The following ELOVL6 variants were observed in gnomAD, a reference collection of about 807,000 sequenced individuals.
ELOVL6 encodes the protein very long chain fatty acid elongase 6.
ELOVL6 carries 8 observed loss-of-function variants against 31.7 expected under a neutral mutation model. The observed-to-expected ratio is 0.25, with a 90% CI of 0.15 to 0.45. The LOEUF is 0.45. Among genes scored for constraint, ELOVL6 ranks in the 20% least tolerant of loss-of-function variants. The pLI is 1.00. For synonymous variants in ELOVL6, 101 were observed against 117.7 expected, an observed-to-expected ratio of 0.86 and a Z score of 0.92; for missense variants, 126 against 326.4, an observed-to-expected ratio of 0.39 and a Z score of 4.73.
intron 1 of ELOVL6, among the ~76,000 whole-genome samples, chr4:110,116,568 A>C (rs1757173492): frequency 6.6e-6 from 1 of 152,196 alleles, no homozygotes; most frequent in Non-Finnish European, 1.5e-5. Flanking sequence ...ATAATATACA[A>C]TTTACTAAAA....
At chr4:110,178,344 G>C (rs1044508057) in intron 1 of ELOVL6, among the ~76,000 whole-genome samples, 1 of 152,036 alleles carries the variant, frequency 6.6e-6, no homozygotes, top group Non-Finnish European at 1.5e-5. Flanking sequence ...TCAGGAGTTC[G>C]AGACCAGCCT....
Position 110,050,076 on chromosome 4 carries a change from C to T in ELOVL6, c.*1262G>A, listed in dbSNP as rs1754797953. On this transcript the variant is annotated 3_prime_UTR_variant, in exon 4 of 4. Coordinates refer to ENST00000302274, the MANE Select transcript of ELOVL6 (RefSeq NM_024090.3). ...GTGTATGGGGGCCCTTTGTTGTCAA[C>T]TGTTTTCAGCCAAACTTGCCTTGAA... The T allele has an allele frequency of 6.6e-6, 1 of 152,468 alleles. No individual in the cohort carries two copies. The highest frequency in any genetic ancestry group is 1.5e-5 in the Non-Finnish European group (1 of 68,024). 9.4% of individuals were successfully genotyped at this position (152,468 alleles called of 1,614,324 possible).
chr4:110,154,905 A>G (rs760359733), intron 1 of ELOVL6, among the ~76,000 whole-genome samples: 2 of 152,234 alleles, frequency 1.3e-5, no homozygotes, highest in African/African-American at 2.4e-5. Flanking sequence ...GGGACTTTCC[A>G]CAAAGAGAGA....
At chr4:110,064,797 A>C (rs1560803183) in intron 2 of ELOVL6, among the ~76,000 whole-genome samples, 1 of 152,134 alleles carries the variant, frequency 6.6e-6, no homozygotes, top group East Asian at 1.9e-4. Flanking sequence ...CTCGATTGAT[A>C]ATGTTTAAAA....
Position 110,049,226 on chromosome 4 carries a change from G to A in ELOVL6, c.*2112C>T, listed in dbSNP as rs1754774002. ...TTTATAATACATTCCTCCATCAGTT[G>A]TGTCTCACCTATGAACCAACATCAA... On this transcript the variant is annotated 3_prime_UTR_variant, in exon 4 of 4. Coordinates refer to ENST00000302274, the MANE Select transcript of ELOVL6 (RefSeq NM_024090.3). The A allele has an allele frequency of 6.6e-6, 1 of 152,194 alleles. No individual in the cohort carries two copies. Among genetic ancestry groups the A allele is most frequent in the Non-Finnish European group, 1.5e-5 (1 of 68,048 alleles). 9.4% of individuals were successfully genotyped at this position (152,194 alleles called of 1,614,324 possible).
intron 2 of ELOVL6, among the ~76,000 whole-genome samples, chr4:110,068,997 C>G (rs1755385566): frequency 6.6e-6 from 1 of 152,008 alleles, no homozygotes; most frequent in Admixed American, 6.6e-5. Context: ...CAAAAATTAG[C>G]TGGGCGTGGT....
chr4:110,148,499 G>T lies in ELOVL6; in HGVS notation c.90-42871C>A, dbSNP rs192639345. Among the ~76,000 whole-genome samples, 97 of 150,490 alleles carry T rather than the reference G, an allele frequency of 6.4e-4. 2 individuals are homozygous for T. The highest frequency in any genetic ancestry group is 1.8e-4 in the Non-Finnish European group (12 of 67,812). On this transcript the variant is annotated intron_variant, in intron 1 of 3. Coordinates refer to ENST00000302274, the MANE Select transcript of ELOVL6 (RefSeq NM_024090.3). The stretch of plus-strand genomic sequence containing the variant: ...GCCCAGAAGGGGGTTGTGCGGGGGA[G>T]GGGGGGAGGTAGGAATGGTTAATGG...
intron 2 of ELOVL6, among the ~76,000 whole-genome samples, chr4:110,099,336 A>C (rs900415071): frequency 7.9e-5 from 12 of 152,182 alleles, no homozygotes; most frequent in African/African-American, 2.4e-4. Context: ...AAAAGAGAAT[A>C]ATTTTCTACT....
At chr4:110,175,534 T>C (rs369258776) in intron 1 of ELOVL6, among the ~76,000 whole-genome samples, 1 of 152,140 alleles carries the variant, frequency 6.6e-6, no homozygotes, top group African/African-American at 2.4e-5. Context: ...GATAACAACA[T>C]AACTAAAACA....
intron 2 of ELOVL6, among the ~76,000 whole-genome samples, chr4:110,075,463 AAG>A (rs1461870762): frequency 6.6e-6 from 1 of 152,216 alleles, no homozygotes; most frequent in African/African-American, 2.4e-5. Flanking sequence ...ATATACTACA[AAG>A]TGGAAGAACC....
At chr4:110,072,144 G>T (rs1054582314) in intron 2 of ELOVL6, among the ~76,000 whole-genome samples, 1 of 152,198 alleles carries the variant, frequency 6.6e-6, no homozygotes. Flanking sequence ...TCAGAACATT[G>T]AGTCTGCCAG....
intron 2 of ELOVL6, among the ~76,000 whole-genome samples, chr4:110,094,445 T>TATTATATATA (rs1756519629): frequency 2.1e-5 from 1 of 47,408 alleles, no homozygotes; most frequent in East Asian, 7.5e-4. Flanking sequence ...ATATATATAA[T>TATTATATATA]ATATATAACA....
At chr4:110,147,040 T>G (rs897021744) in intron 1 of ELOVL6, 10 of 152,308 alleles carry the variant, frequency 6.6e-5, no homozygotes, top group African/African-American at 2.4e-4. Flanking sequence ...TGGGTGTAGA[T>G]TCTCTGGTCA....
intron 2 of ELOVL6, among the ~76,000 whole-genome samples, chr4:110,081,939 G>A (rs1205654815): frequency 6.6e-6 from 1 of 151,210 alleles, no homozygotes; most frequent in Non-Finnish European, 1.5e-5. Flanking sequence ...TGAAGGATAT[G>A]AACAGACACT....
At chr4:110,186,825 ATAT>A (rs1759461076) in intron 1 of ELOVL6, among the ~76,000 whole-genome samples, 38 of 99,032 alleles carry the variant, frequency 3.8e-4, no homozygotes, top group East Asian at 3.5e-3. Context: ...AAAAAAAAAT[ATAT>A]ATATATATAT....
chr4:110,174,457 C>T (rs917622896), intron 1 of ELOVL6, among the ~76,000 whole-genome samples: 8 of 152,042 alleles, frequency 5.3e-5, no homozygotes, highest in East Asian at 1.9e-4. Flanking sequence ...TGAGCCACTG[C>T]GCCTGGCCTT....
rs577861646 is a variant in ELOVL6 at position 110,153,127 on chromosome 4, A to G, written c.89+45120T>C. 3.9e-5 allele frequency among the ~76,000 whole-genome samples: 6 copies of G among 152,326 alleles called. No individual in the cohort carries two copies. The South Asian group carries it at 1.2e-3, about 32-fold the overall frequency. ...AACCTGTGTCAGCTTGTAAGTAGGAAACCAGAACCCTGACAGAGATGAAGA... is the reference window on the plus strand; with the variant it reads ...AACCTGTGTCAGCTTGTAAGTAGGAGACCAGAACCCTGACAGAGATGAAGA... On this transcript the variant is annotated intron_variant, in intron 1 of 3. Transcript: ENST00000302274.
chr4:110,176,796 G>A (rs1264594921), intron 1 of ELOVL6, among the ~76,000 whole-genome samples: 1 of 152,202 alleles, frequency 6.6e-6, no homozygotes. Context: ...GGAGTGCAAT[G>A]GCACGATCTC....
At chr4:110,099,136 T>G (rs1216477976) in intron 2 of ELOVL6, among the ~76,000 whole-genome samples, 1 of 152,322 alleles carries the variant, frequency 6.6e-6, no homozygotes, top group Non-Finnish European at 1.5e-5. Context: ...CTTGTTGGCT[T>G]TAGAAATAAG....
Sources: allele counts gnomAD v4.1 joint callset (sites outside exome capture counted in the v4.1 genomes callset), GRCh38; gene constraint gnomAD v4.1.1; transcripts MANE v1.5; gene names NCBI Gene and HGNC (gene_info 2026-07-23, HGNC 2026-07-21).